The following BRD7 variants were observed in gnomAD, a reference collection of about 807,000 sequenced individuals.
The protein encoded by BRD7 is bromodomain-containing protein 7.
Under a neutral mutation model 82.1 loss-of-function variants are expected in BRD7, and 15 were observed. That is an observed-to-expected ratio of 0.18 (90% CI 0.12 to 0.28). The LOEUF is 0.28. Ranked by LOEUF, BRD7 falls within the 10% of genes least tolerant of loss-of-function variation. The pLI is 1.00. For synonymous variants in BRD7, 232 were observed against 266.9 expected, an observed-to-expected ratio of 0.87 and a Z score of 1.27; for missense variants, 638 against 779.9, an observed-to-expected ratio of 0.82 and a Z score of 2.17.
chr16:50,324,224 C>T (rs551531440), intron 11 of BRD7, among the ~76,000 whole-genome samples: 8 of 152,076 alleles, frequency 5.3e-5, no homozygotes, highest in Non-Finnish European at 8.8e-5. Flanking sequence ...GAGTAAGCCT[C>T]GGCATCTCTC....
At chr16:50,363,664 CGCGCGCGCGTGCGCGT>C (rs769502561) in intron 2 of BRD7, among the ~76,000 whole-genome samples, 3 of 32,794 alleles carry the variant, frequency 9.1e-5, no homozygotes, top group Non-Finnish European at 2.4e-4. Context: ...TGTGTGTGCG[CGCGCGCGCGTGCGCGT>C]GTGCTTCCCC....
At chr16:50,366,581 G>C (rs564044736) in intron 2 of BRD7, among the ~76,000 whole-genome samples, 21 of 152,296 alleles carry the variant, frequency 1.4e-4, no homozygotes, top group African/African-American at 4.8e-4. Flanking sequence ...CCTATACCTT[G>C]AGCAAGGGAA....
At chr16:50,350,479 T>G (rs2038472721) in intron 4 of BRD7, among the ~76,000 whole-genome samples, 1 of 152,182 alleles carries the variant, frequency 6.6e-6, no homozygotes, top group African/African-American at 2.4e-5. Context: ...GACCAATGTT[T>G]TAACCTTTGG....
At chr16:50,332,892 A>G (rs1057193834) in intron 8 of BRD7, among the ~76,000 whole-genome samples, 1 of 152,196 alleles carries the variant, frequency 6.6e-6, no homozygotes, top group Non-Finnish European at 1.5e-5. Flanking sequence ...CAGAAAAACA[A>G]ATATTGCCAT....
intron 2 of BRD7, among the ~76,000 whole-genome samples, chr16:50,358,774 T>C (rs1460592386): frequency 3.3e-5 from 5 of 152,168 alleles, no homozygotes; most frequent in Non-Finnish European, 7.3e-5. Context: ...AAAAAGTCTT[T>C]GGGGCTAGGG....
At chr16:50,361,102 C>A (rs1455054400) in intron 2 of BRD7, among the ~76,000 whole-genome samples, 1 of 152,210 alleles carries the variant, frequency 6.6e-6, no homozygotes, top group African/African-American at 2.4e-5. Context: ...ACTAACAGCA[C>A]CTACCTCACA....
At chr16:50,354,722 CCCA>C (rs2038666939) in intron 3 of BRD7, 68 bp downstream of exon 3, 1 of 1,539,258 alleles carries the variant, frequency 6.5e-7, no homozygotes, top group East Asian at 2.3e-5. Context: ...AAGCTAAAAC[CCCA>C]CCATTTTCCT....
At chr16:50,368,605 C>T in intron 1 of BRD7, 121 bp downstream of exon 1, 1 of 1,084,110 alleles carries the variant, frequency 9.2e-7, no homozygotes, top group Non-Finnish European at 1.2e-6. Flanking sequence ...GCGCCCCCTT[C>T]GCCGGCCTGG....
chr16:50,359,339 C>T (rs529527676), intron 2 of BRD7, among the ~76,000 whole-genome samples: 2 of 152,248 alleles, frequency 1.3e-5, no homozygotes, highest in East Asian at 3.9e-4. Flanking sequence ...TGGAGTCTAA[C>T]GTTCTAATCT....
chr16:50,327,174 G>A (rs2037375295), intron 9 of BRD7, among the ~76,000 whole-genome samples: 1 of 152,202 alleles, frequency 6.6e-6, no homozygotes, highest in Non-Finnish European at 1.5e-5. Context: ...CAATGAAGCT[G>A]AGAAGATGAA....
chr16:50,367,990 G>C lies in BRD7; in HGVS notation c.258+100C>G, dbSNP rs2039211977. The stretch of plus-strand genomic sequence containing the variant: ...TCCTCCTCAAACGAGCCAGATCTTA[G>C]AGGCGTTTGTTTTCCCCAGATACAA... On this transcript the variant is annotated intron_variant, in intron 2 of 16. Transcript: ENST00000394688. 4 of 1,185,706 alleles carry C rather than the reference G, an allele frequency of 3.4e-6. No individual in the cohort carries two copies. In the Admixed American group the frequency reaches 5.6e-5, roughly 16 times the overall value. 73.4% of individuals were successfully genotyped at this position (1,185,706 alleles called of 1,614,324 possible). A position where few individuals can be genotyped will look rare whatever the true frequency, so the allele number is the denominator to read the frequency against.
intron 12 of BRD7, 47 bp from the exon 13 acceptor site, chr16:50,322,085 G>C (rs7184802): frequency 7.0e-7 from 1 of 1,433,310 alleles, no homozygotes; most frequent in African/African-American, 1.5e-5. Flanking sequence ...ACATGAAGGC[G>C]AATATCAAGG....
chr16:50,332,349 A>T (rs1018095711), intron 8 of BRD7, among the ~76,000 whole-genome samples: 2 of 152,252 alleles, frequency 1.3e-5, no homozygotes, highest in Non-Finnish European at 2.9e-5. Flanking sequence ...GGCAAAGGAC[A>T]TGAACAGACA....
At chr16:50,333,540 T>G in intron 8 of BRD7, 34 bp downstream of exon 8, 1 of 1,600,098 alleles carries the variant, frequency 6.2e-7, no homozygotes, top group South Asian at 1.1e-5. Flanking sequence ...CCCAAATCAG[T>G]AGGTAGAGAA....
At chr16:50,320,431 G>C in intron 14 of BRD7, 40 bp from the exon 15 acceptor site, 3 of 1,600,580 alleles carry the variant, frequency 1.9e-6, no homozygotes, top group Non-Finnish European at 2.6e-6. Context: ...GTTTGATCTT[G>C]TGCAGTAAAC....
chr16:50,332,964 GAC>G (rs1023409639), intron 8 of BRD7, among the ~76,000 whole-genome samples: 1 of 152,096 alleles, frequency 6.6e-6, no homozygotes, highest in Admixed American at 6.5e-5. Flanking sequence ...GGGAAGAACA[GAC>G]ACTGGAAATG....
At chr16:50,362,265 G>A (rs1305988337) in intron 2 of BRD7, among the ~76,000 whole-genome samples, 2 of 152,184 alleles carry the variant, frequency 1.3e-5, no homozygotes, top group African/African-American at 4.8e-5. Context: ...CCCATGTGCT[G>A]TGGGCAGAGG....
At chr16:50,349,860 C>A (rs952375007) in intron 5 of BRD7, among the ~76,000 whole-genome samples, 163 bp downstream of exon 5, 1 of 152,122 alleles carries the variant, frequency 6.6e-6, no homozygotes, top group Admixed American at 6.6e-5. Context: ...TCTGGTTTTC[C>A]ATCACCAAGC....
intron 6 of BRD7, among the ~76,000 whole-genome samples, chr16:50,335,919 C>T (rs1389832728): frequency 6.6e-6 from 1 of 152,080 alleles, no homozygotes; most frequent in South Asian, 2.1e-4. Context: ...ACCATTAAAG[C>T]GATCTATTTT....
Sources: gnomAD v4.1 joint callset for allele counts (sites outside exome capture counted in the v4.1 genomes callset) on GRCh38, gnomAD v4.1.1 for gene constraint, MANE v1.5 for transcripts, NCBI Gene and HGNC (gene_info 2026-07-23, HGNC 2026-07-21) for gene names.